The following NEMP2 variants were observed in gnomAD, a reference collection of about 807,000 sequenced individuals.
NEMP2 encodes nuclear envelope integral membrane protein 2, also known as UPF0571 transmembrane protein.
NEMP2 carries 53 observed loss-of-function variants against 54.2 expected under a neutral mutation model. That is an observed-to-expected ratio of 0.98 (90% CI 0.78 to 1.23). The LOEUF is 1.23. Among genes scored for constraint, NEMP2 ranks in the 50% most tolerant of loss-of-function variants. The pLI is 0.00. For missense variants in NEMP2, 455 were observed against 511.3 expected (o/e 0.89, Z 1.06); for synonymous variants, 197 against 190.3 (o/e 1.04, Z -0.29).
At chr2:190,623,587 T>C in the NEMP2 span, among the ~76,000 whole-genome samples, 1 of 152,180 alleles carries the variant, frequency 6.6e-6, no homozygotes, top group Non-Finnish European at 1.5e-5. Context: ...CTTCAATAAA[T>C]GGTGGTGGGA....
At chr2:190,436,617 T>C in the NEMP2 span, 1 of 1,614,184 alleles carries the variant, frequency 6.2e-7, no homozygotes, top group South Asian at 1.1e-5. The surrounding 1 kb of genome is among the most constrained non-coding windows in gnomAD (Gnocchi z 5.3). Context: ...CAAAAATGCG[T>C]GAGAAAAGAA....
chr2:190,492,099 G>A, the NEMP2 span, among the ~76,000 whole-genome samples: 36 of 152,116 alleles, frequency 2.4e-4, no homozygotes, highest in Non-Finnish European at 4.0e-4. This position sits in a 1 kb window ranked among gnomAD's most constrained non-coding sequence, Gnocchi z 5.2. Context: ...TTAATCCAAC[G>A]AAGACAAAGA....
chr2:190,637,770 T>C, the NEMP2 span, among the ~76,000 whole-genome samples: 3 of 152,260 alleles, frequency 2.0e-5, no homozygotes, highest in Non-Finnish European at 4.4e-5. The surrounding 1 kb of genome is among the most constrained non-coding windows in gnomAD (Gnocchi z 4.5). Context: ...AGTGCTTGTT[T>C]ACATGTGTAT....
At chr2:190,460,753 A>G in the NEMP2 span, among the ~76,000 whole-genome samples, 3 of 152,230 alleles carry the variant, frequency 2.0e-5, no homozygotes, top group Non-Finnish European at 4.4e-5. Context: ...GAATATCAAG[A>G]CACAGAGACA....
the NEMP2 span, among the ~76,000 whole-genome samples, chr2:190,458,358 TA>T: frequency 6.6e-6 from 1 of 152,024 alleles, no homozygotes; most frequent in Non-Finnish European, 1.5e-5. This position sits in a 1 kb window ranked among gnomAD's most constrained non-coding sequence, Gnocchi z 5.3. Context: ...GGGCCACAGA[TA>T]GGCACAAGGG....
At chr2:190,464,967 G>A in the NEMP2 span, 2 of 914,968 alleles carry the variant, frequency 2.2e-6, no homozygotes, top group Non-Finnish European at 2.6e-6. Flanking sequence ...GAAAAGTAGG[G>A]TCTCACAACT....
the NEMP2 span, among the ~76,000 whole-genome samples, chr2:190,475,068 A>T: frequency 6.6e-6 from 1 of 152,186 alleles, no homozygotes; most frequent in Non-Finnish European, 1.5e-5. Flanking sequence ...CATATCTCAA[A>T]ATAATAAGAG....
chr2:190,594,066 A>C, the NEMP2 span, among the ~76,000 whole-genome samples: 1 of 152,202 alleles, frequency 6.6e-6, no homozygotes, highest in Non-Finnish European at 1.5e-5. The surrounding 1 kb of genome is among the most constrained non-coding windows in gnomAD (Gnocchi z 5.6). Flanking sequence ...GGCTCTGCTT[A>C]CTTCTCTTCC....
chr2:190,517,568 T>C lies in NEMP2; in HGVS notation c.564A>G (p.Leu188=), dbSNP rs1690605110. The C allele has an allele frequency of 2.6e-6, 4 of 1,551,034 alleles. No homozygotes were observed. The highest frequency in any genetic ancestry group is 3.5e-6 in the Non-Finnish European group (4 of 1,146,744). The part of the protein sequence containing the change: ...YYSSGTVLGV[L]MTLVFVLLLV... ...ACAGCAAGACAAAGACTAATGTCAT[T>C]AGAACACCTAGCACAGTTCCCGAGG... is the stretch of plus-strand genomic sequence containing the variant. The change falls in exon 5 of 9, where the codon CTA becomes CTG. Residue 188 remains leucine, a synonymous_variant. Transcript: ENST00000409150.
chr2:190,431,670 G>C, the NEMP2 span, among the ~76,000 whole-genome samples: 1 of 152,078 alleles, frequency 6.6e-6, no homozygotes, highest in Non-Finnish European at 1.5e-5. The surrounding 1 kb of genome is among the most constrained non-coding windows in gnomAD (Gnocchi z 4.4). Flanking sequence ...GTCCAGCTTC[G>C]GCTCAGCATC....
Position 190,514,562 on chromosome 2 carries a change from GA to G in NEMP2, c.843del (p.Leu282TrpfsTer16). On this transcript the variant is annotated frameshift_variant, in exon 7 of 9. Coordinates refer to ENST00000409150, the MANE Select transcript of NEMP2 (RefSeq NM_001142645.2). LOFTEE classifies it high-confidence loss of function. The surrounding 1 kb of genome is among the most constrained non-coding windows in gnomAD (Gnocchi z 5.7). ...LMWMLRLLSL[V>X]LVYAGVAVPQ... ...GGCACGGCCACACCAGCATAGACCA[GA>G]ACCAGGGAGAGGAGTCGCAGCATCC... 2 of 1,551,748 alleles carry G rather than the reference GA, an allele frequency of 1.3e-6. No individual in the cohort carries two copies. The highest frequency in any genetic ancestry group is 1.7e-6 in the Non-Finnish European group (2 of 1,146,994).
downstream of NEMP2, among the ~76,000 whole-genome samples, chr2:190,502,761 G>A (rs1690079184): frequency 6.6e-6 from 1 of 152,188 alleles, no homozygotes; most frequent in African/African-American, 2.4e-5. This position sits in a 1 kb window ranked among gnomAD's most constrained non-coding sequence, Gnocchi z 4.4. Flanking sequence ...AGGGAATCTA[G>A]GAAAAGGGAA....
rs1169408087 is a variant in NEMP2, at chr2:190,514,779, C to G, written c.728-101G>C. On this transcript the variant is annotated intron_variant, in intron 6 of 8. Coordinates refer to ENST00000409150, the MANE Select transcript of NEMP2 (RefSeq NM_001142645.2). This position sits in a 1 kb window ranked among gnomAD's most constrained non-coding sequence, Gnocchi z 5.7. Reference sequence around the variant, plus strand: ...CTTAAAGGTAAAAACTATTAGAGAACCTTAATTTTTGTGTTTTTTACCCCA... The same window carrying G: ...CTTAAAGGTAAAAACTATTAGAGAAGCTTAATTTTTGTGTTTTTTACCCCA... 2 of 1,164,870 alleles carry G rather than the reference C, an allele frequency of 1.7e-6. No homozygotes were observed. The highest frequency in any genetic ancestry group is 3.1e-5 in the African/African-American group (2 of 64,340). 72.2% of individuals were successfully genotyped at this position (1,164,870 alleles called of 1,614,324 possible).
At chr2:190,639,784 G>A in the NEMP2 span, among the ~76,000 whole-genome samples, 1 of 152,042 alleles carries the variant, frequency 6.6e-6, no homozygotes, top group Non-Finnish European at 1.5e-5. Flanking sequence ...GAGGAGCTGG[G>A]ACTACAGGTG....
the NEMP2 span, among the ~76,000 whole-genome samples, chr2:190,483,588 G>A: frequency 4.6e-5 from 7 of 152,158 alleles, no homozygotes; most frequent in African/African-American, 1.7e-4. Flanking sequence ...CGTAATCCCA[G>A]CACTTTGAGA....
chr2:190,422,408 C>T, the NEMP2 span, among the ~76,000 whole-genome samples: 1 of 152,058 alleles, frequency 6.6e-6, no homozygotes, highest in Non-Finnish European at 1.5e-5. Context: ...GTCTGTCTTT[C>T]GCTTGATTTA....
chr2:190,565,359 T>C, the NEMP2 span, among the ~76,000 whole-genome samples: 11 of 152,150 alleles, frequency 7.2e-5, no homozygotes, highest in Non-Finnish European at 1.5e-4. Flanking sequence ...CCTAGGCCAA[T>C]GTTTCTAAAT....
At chr2:190,617,889 G>C in the NEMP2 span, among the ~76,000 whole-genome samples, 1 of 152,034 alleles carries the variant, frequency 6.6e-6, no homozygotes, top group East Asian at 1.9e-4. The surrounding 1 kb of genome is among the most constrained non-coding windows in gnomAD (Gnocchi z 5.0). Context: ...TTCAATCTTG[G>C]AAATGGTTTT....
At chr2:190,459,814 T>C in the NEMP2 span, among the ~76,000 whole-genome samples, 2 of 152,192 alleles carry the variant, frequency 1.3e-5, no homozygotes, top group African/African-American at 4.8e-5. The surrounding 1 kb of genome is among the most constrained non-coding windows in gnomAD (Gnocchi z 5.3). Context: ...AGACCCAAAT[T>C]ACTTTTACCT....
Sources: gnomAD v4.1 joint callset for allele counts (sites outside exome capture counted in the v4.1 genomes callset) on GRCh38, gnomAD v4.1.1 for gene constraint, Gnocchi (gnomAD v3.1) non-coding constraint, MANE v1.5 for transcripts, NCBI Gene and HGNC (gene_info 2026-07-23, HGNC 2026-07-21) for gene names.